Variants in SGO2 observed in about 807,000 individuals in gnomAD.
The protein encoded by SGO2 is shugoshin-like 2.
SGO2 carries 68 observed loss-of-function variants against 99.5 expected under a neutral mutation model. The ratio of observed to expected loss-of-function variants is 0.68; its 90% CI spans 0.56 to 0.84. The LOEUF (loss-of-function observed/expected upper bound fraction) is 0.84. Among genes scored for constraint, SGO2 ranks in the 40% least tolerant of loss-of-function variants. The probability of loss-of-function intolerance (pLI) is 0.00; values close to 1 mark genes in which losing one functional copy is unlikely to be tolerated. For missense variants in SGO2, 1,350 were observed against 1,436.7 expected, an observed-to-expected ratio of 0.94 and a Z score of 0.97; for synonymous variants, 457 against 487.1, an observed-to-expected ratio of 0.94 and a Z score of 0.81.
intron 8 of SGO2, among the ~76,000 whole-genome samples, chr2:200,576,560 C>G (rs10931907): frequency 6.6e-6 from 1 of 151,994 alleles, no homozygotes; most frequent in Non-Finnish European, 1.5e-5. Context: ...TGGGTGACAG[C>G]GTGAAACTGT....
intron 2 of SGO2, among the ~76,000 whole-genome samples, chr2:200,533,580 A>G (rs2031536704): frequency 6.6e-6 from 1 of 150,864 alleles, no homozygotes; most frequent in Admixed American, 6.6e-5. Flanking sequence ...CAATCTTATG[A>G]AGACACTGAG....
intron 4 of SGO2, among the ~76,000 whole-genome samples, chr2:200,536,458 GTTTTTGT>G (rs1273996133): frequency 1.3e-5 from 2 of 152,044 alleles, no homozygotes; most frequent in Non-Finnish European, 2.9e-5. Context: ...AGACTTTGGG[GTTTTTGT>G]TTTTTGTTTG....
rs543692880 is a variant in SGO2 at position 200,570,550 on chromosome 2, T to A, written c.704-500T>A. On this transcript the variant is annotated intron_variant, in intron 6 of 8. Coordinates refer to ENST00000357799, the MANE Select transcript of SGO2 (RefSeq NM_152524.6). The surrounding 1 kb of genome is among the most constrained non-coding windows in gnomAD (Gnocchi z 4.4). ...TATATAATATATACACACACACATA[T>A]ATACACACATATATATGGTATACAT... Among the ~76,000 whole-genome samples the A allele has an allele frequency of 7.1e-6, 1 of 140,730 alleles. No individual in the cohort carries two copies. The highest frequency in any genetic ancestry group is 1.6e-5 in the Non-Finnish European group (1 of 62,580). 92.3% of individuals were successfully genotyped at this position (140,730 alleles called of 152,430 possible).
At chr2:200,547,450 C>G (rs565290147) in intron 5 of SGO2, among the ~76,000 whole-genome samples, 1 of 152,138 alleles carries the variant, frequency 6.6e-6, no homozygotes, top group Non-Finnish European at 1.5e-5. Context: ...AGGTATAAAA[C>G]CCACTGGTAA....
chr2:200,547,357 C>T, intron 5 of SGO2, among the ~76,000 whole-genome samples: 1 of 152,158 alleles, frequency 6.6e-6, no homozygotes. Context: ...TCACCACCAC[C>T]AAGGACCATC....
At position 200,570,728 on chromosome 2, in the gene SGO2, G is replaced by A. The variant is rs1264573827; in HGVS notation, c.704-322G>A. 6.6e-6 allele frequency among the ~76,000 whole-genome samples: 1 copy of A among 151,414 alleles called. No homozygotes were observed. The highest frequency in any genetic ancestry group is 1.5e-5 in the Non-Finnish European group (1 of 67,762). On this transcript the variant is annotated intron_variant, in intron 6 of 8. Transcript: ENST00000357799. This position sits in a 1 kb window ranked among gnomAD's most constrained non-coding sequence, Gnocchi z 4.4. ...TTTCAGAGCTATCACTATTATTTGG[G>A]TTCATTTGCTGGCCTCCTTTCACTC...
intron 8 of SGO2, among the ~76,000 whole-genome samples, chr2:200,579,913 T>C (rs2033783763): frequency 6.6e-6 from 1 of 152,212 alleles, no homozygotes; most frequent in African/African-American, 2.4e-5. Flanking sequence ...AATTTATATT[T>C]CATTATAATT....
intron 1 of SGO2, among the ~76,000 whole-genome samples, chr2:200,530,352 A>T (rs1385459456): frequency 1.3e-5 from 2 of 152,328 alleles, no homozygotes; most frequent in South Asian, 2.1e-4. Flanking sequence ...AACTGGAAGG[A>T]TGAAATTACC....
At chr2:200,540,104 T>C (rs1022658173) in intron 4 of SGO2, among the ~76,000 whole-genome samples, 1 of 152,232 alleles carries the variant, frequency 6.6e-6, no homozygotes, top group African/African-American at 2.4e-5. Flanking sequence ...CATTTTTTCA[T>C]TTGTTTTAAG....
chr2:200,532,437 A>C (rs1277349469), intron 1 of SGO2: 13 of 984,794 alleles, frequency 1.3e-5, no homozygotes, highest in Non-Finnish European at 1.6e-5. Context: ...AGTCACAGTT[A>C]ATCGCTTCTC....
At chr2:200,551,252 G>A (rs1371369955) in intron 5 of SGO2, among the ~76,000 whole-genome samples, 1 of 152,068 alleles carries the variant, frequency 6.6e-6, no homozygotes, top group Non-Finnish European at 1.5e-5. Flanking sequence ...ACAGATGTGT[G>A]GATAAAGTAT....
intron 2 of SGO2, chr2:200,533,366 G>C (rs866245619): frequency 1.9e-5 from 5 of 264,598 alleles, no homozygotes; most frequent in Non-Finnish European, 3.6e-5. Flanking sequence ...TTTCTACAGC[G>C]CAGAAAAAAA....
In SGO2 at chr2:200,570,688, T is replaced by G. The variant is rs2033377860; in HGVS notation, c.704-362T>G. Reference sequence around the variant, plus strand: ...AAATTTTAGCTGCCTGTTGATAGTCTTTGATAGCAATCCTTTTCAGAGCTA... The same window carrying G: ...AAATTTTAGCTGCCTGTTGATAGTCGTTGATAGCAATCCTTTTCAGAGCTA... On this transcript the variant is annotated intron_variant, in intron 6 of 8. Transcript: ENST00000357799. The surrounding 1 kb of genome is among the most constrained non-coding windows in gnomAD (Gnocchi z 4.4). 6.6e-6 allele frequency among the ~76,000 whole-genome samples: 1 copy of G among 151,770 alleles called. No homozygotes were observed. The highest frequency in any genetic ancestry group is 2.1e-4 in the South Asian group (1 of 4,826).
At chr2:200,575,567 A>ACATT in intron 8 of SGO2, 106 bp downstream of exon 8, 13 of 776,336 alleles carry the variant, frequency 1.7e-5, no homozygotes, top group Non-Finnish European at 2.2e-5. Flanking sequence ...TAAAATGTAT[A>ACATT]TTATTGATAT....
In SGO2 at chr2:200,533,018, G is replaced by A. The variant is rs2031492744; in HGVS notation, c.43G>A (p.Gly15Arg). Reference sequence around the variant, plus strand: ...GGAAACTGGCTCACTTTTTACCTCAGGAATTAAGAGACATTTGAAAGACAA... The same window carrying A: ...GGAAACTGGCTCACTTTTTACCTCAAGAATTAAGAGACATTTGAAAGACAA... The part of the protein sequence containing the change: ...VMETGSLFTS[G>R]IKRHLKDKRI... Residue 15 changes from glycine to arginine, a missense_variant, in exon 2 of 9, where the codon GGA becomes AGA. Gly to Arg is a moderately radical substitution (Grantham distance 125). Transcript: ENST00000357799. The A allele has an allele frequency of 3.1e-6, 5 of 1,607,708 alleles. No homozygotes were observed. In the South Asian group the frequency reaches 5.6e-5, roughly 18 times the overall value.
At position 200,571,984 on chromosome 2, in the gene SGO2, T is replaced by C; in HGVS notation, c.1638T>C (p.Asp546=). The C allele has an allele frequency of 6.2e-7, 1 of 1,609,770 alleles. No individual in the cohort carries two copies. ...TTGTGATTCACAAATTAGAAAAAGA[T>C]AACTTACTCCCAAACCAAAAGGATA... ...QTFVIHKLEK[D]NLLPNQKDKV... Residue 546 remains aspartate (D), a synonymous_variant, in exon 7 of 9, where the codon GAT becomes GAC. Transcript: ENST00000357799.
intron 5 of SGO2, among the ~76,000 whole-genome samples, chr2:200,564,093 C>T (rs541284314): frequency 2.0e-5 from 3 of 152,186 alleles, no homozygotes; most frequent in Non-Finnish European, 4.4e-5. Flanking sequence ...TATTGCTTGC[C>T]TTTTGCTAGC....
intron 5 of SGO2, among the ~76,000 whole-genome samples, chr2:200,562,338 G>A (rs1164403277): frequency 1.3e-5 from 2 of 151,980 alleles, no homozygotes; most frequent in Admixed American, 1.3e-4. Flanking sequence ...TCTTGTTTTT[G>A]TCAGGTTTGT....
chr2:200,543,309 A>C (rs1242158878), intron 5 of SGO2: 1 of 152,274 alleles, frequency 6.6e-6, no homozygotes, highest in Non-Finnish European at 1.5e-5. Context: ...GTCTCAAAAA[A>C]ACAAACAAAC....
Sources: allele counts gnomAD v4.1 joint callset (sites outside exome capture counted in the v4.1 genomes callset), GRCh38; gene constraint gnomAD v4.1.1; non-coding constraint Gnocchi (gnomAD v3.1); transcripts MANE v1.5; gene names NCBI Gene and HGNC (gene_info 2026-07-23, HGNC 2026-07-21).